ARFGEF3: variants seen among roughly 807,000 people sequenced by gnomAD.
ARFGEF3 encodes the protein ARFGEF family member 3.
A neutral mutation model predicts 221.7 loss-of-function variants in ARFGEF3; 96 were observed. That is an observed-to-expected ratio of 0.43 (90% confidence interval 0.37 to 0.51). ARFGEF3 has a LOEUF of 0.51. Ranked by LOEUF, ARFGEF3 falls within the 20% of genes least tolerant of loss-of-function variation. ARFGEF3 has a pLI of 0.00. For missense variants in ARFGEF3, 2,410 were observed against 2,789.9 expected (o/e 0.86, Z 3.07); for synonymous variants, 1,145 against 1,126.8 (o/e 1.02, Z -0.32).
At chr6:138,230,753 A>G (rs1778176928) in intron 5 of ARFGEF3, among the ~76,000 whole-genome samples, 1 of 152,230 alleles carries the variant, frequency 6.6e-6, no homozygotes, top group Non-Finnish European at 1.5e-5. Context: ...CTGACCTCTC[A>G]TTACAATACA....
chr6:138,168,062 T>G (rs903509292), intron 1 of ARFGEF3, among the ~76,000 whole-genome samples: 1 of 152,198 alleles, frequency 6.6e-6, no homozygotes, highest in Non-Finnish European at 1.5e-5. Flanking sequence ...TCTTACTTCA[T>G]TAATTCAGCA....
intron 5 of ARFGEF3, among the ~76,000 whole-genome samples, chr6:138,231,283 C>T (rs1230685353): frequency 1.3e-5 from 2 of 152,102 alleles, no homozygotes; most frequent in Non-Finnish European, 2.9e-5. Context: ...AACATTGAAA[C>T]ACTGTGGCCT....
rs757770844 is a variant in ARFGEF3 at position 138,308,803 on chromosome 6, C to T, written c.4038C>T (p.Val1346=). The T allele has an allele frequency of 6.2e-7, 1 of 1,613,976 alleles. No individual in the cohort carries two copies. Among genetic ancestry groups the T allele is most frequent in the Non-Finnish European group, 8.5e-7 (1 of 1,179,842 alleles). The change falls in exon 24 of 34, where the codon GTC becomes GTT. Residue 1346 remains valine, a synonymous_variant. Coordinates refer to ENST00000251691, the MANE Select transcript of ARFGEF3 (RefSeq NM_020340.5). ...TTCTCAATACTGACAACATCCAGGT[C>T]TTTGCTAATGCAGCCACTAGCTACA... ...EAFLNTDNIQ[V]FANAATSYIM... is the part of the protein sequence containing the mutation.
In ARFGEF3 at chr6:138,189,675, G is replaced by A. The variant is rs555562304; in HGVS notation, c.138-17367G>A. Among the ~76,000 whole-genome samples the A allele has an allele frequency of 3.0e-4, 45 of 152,272 alleles. No homozygotes were observed. In the South Asian group the frequency reaches 7.5e-3, roughly 25 times the overall value. Reference sequence around the variant, plus strand: ...TCAAATTGATGCGCCATGGCAGGAAGGAAAGTCGTTTTACTGTCTCCTTTA... The same window carrying A: ...TCAAATTGATGCGCCATGGCAGGAAAGAAAGTCGTTTTACTGTCTCCTTTA... On this transcript the variant is annotated intron_variant, in intron 2 of 33. Coordinates refer to ENST00000251691, the MANE Select transcript of ARFGEF3 (RefSeq NM_020340.5).
chr6:138,223,037 T>C (rs1778009456), intron 4 of ARFGEF3, among the ~76,000 whole-genome samples: 1 of 152,190 alleles, frequency 6.6e-6, no homozygotes, highest in African/African-American at 2.4e-5. Context: ...TTCAGAAGAC[T>C]AAGTCTGCTT....
intron 4 of ARFGEF3, among the ~76,000 whole-genome samples, chr6:138,226,149 A>G (rs1029247253): frequency 6.6e-6 from 1 of 152,272 alleles, no homozygotes; most frequent in South Asian, 2.1e-4. Context: ...TGACCAGGAC[A>G]TGTCCTTGGG....
intron 14 of ARFGEF3, among the ~76,000 whole-genome samples, chr6:138,284,459 A>G (rs1027933818): frequency 3.9e-5 from 6 of 152,160 alleles, no homozygotes; most frequent in African/African-American, 1.4e-4. Flanking sequence ...ATACTGAGGA[A>G]CTTGGGGCCT....
chr6:138,284,990 A>G (rs1197960013), intron 14 of ARFGEF3, among the ~76,000 whole-genome samples: 1 of 152,210 alleles, frequency 6.6e-6, no homozygotes, highest in Non-Finnish European at 1.5e-5. Context: ...AAAGTATGCT[A>G]TTATAATCTT....
At chr6:138,190,827 G>A (rs1454872577) in intron 2 of ARFGEF3, among the ~76,000 whole-genome samples, 1 of 152,112 alleles carries the variant, frequency 6.6e-6, no homozygotes, top group Non-Finnish European at 1.5e-5. Context: ...TAATCTGCAG[G>A]GATGCTGGTG....
At chr6:138,178,255 C>G (rs1776994806) in intron 2 of ARFGEF3, among the ~76,000 whole-genome samples, 1 of 152,126 alleles carries the variant, frequency 6.6e-6, no homozygotes. Flanking sequence ...GTCATGGCTC[C>G]TCTTCCTTCC....
intron 4 of ARFGEF3, among the ~76,000 whole-genome samples, chr6:138,221,170 A>G (rs941059391): frequency 1.4e-4 from 21 of 152,254 alleles, no homozygotes; most frequent in African/African-American, 4.8e-4. Flanking sequence ...CAGGTTATCT[A>G]CATGGTGGCA....
At chr6:138,309,982 G>A (rs1400496073) in intron 24 of ARFGEF3, among the ~76,000 whole-genome samples, 2 of 152,134 alleles carry the variant, frequency 1.3e-5, no homozygotes. Flanking sequence ...AGTGATCTGG[G>A]TCTCCCCTAA....
chr6:138,242,020 T>A (rs552664876), intron 6 of ARFGEF3, among the ~76,000 whole-genome samples: 2 of 152,374 alleles, frequency 1.3e-5, no homozygotes, highest in South Asian at 4.1e-4. Context: ...TGTTCTCAAC[T>A]TGACTTTAGC....
Position 138,226,018 on chromosome 6 carries a change from C to T in ARFGEF3, c.352-3766C>T, listed in dbSNP as rs185803710. On this transcript the variant is annotated intron_variant, in intron 4 of 33. Coordinates refer to ENST00000251691, the MANE Select transcript of ARFGEF3 (RefSeq NM_020340.5). ...AGAGGACATAGACAAAGTCACACAC[C>T]AATTAAACACCAAATCACATGCATG... Among the ~76,000 whole-genome samples the T allele has an allele frequency of 2.0e-4, 31 of 152,236 alleles. No homozygotes were observed. The East Asian group carries it at 5.8e-3, about 28-fold the overall frequency.
At chr6:138,211,478 TCTC>T (rs935875358) in intron 4 of ARFGEF3, among the ~76,000 whole-genome samples, 11 of 152,124 alleles carry the variant, frequency 7.2e-5, no homozygotes, top group Admixed American at 2.0e-4. Flanking sequence ...TTGTTTGACT[TCTC>T]CACTGTATCT....
intron 4 of ARFGEF3, among the ~76,000 whole-genome samples, chr6:138,214,617 A>G (rs191282929): frequency 1.4e-4 from 22 of 152,356 alleles, no homozygotes; most frequent in Admixed American, 1.4e-3. Context: ...AGATTGAACC[A>G]TGTCACACTC....
intron 10 of ARFGEF3, among the ~76,000 whole-genome samples, chr6:138,257,078 A>G (rs992122970): frequency 6.6e-6 from 1 of 152,104 alleles, no homozygotes. Flanking sequence ...CCAACCATCA[A>G]CTTTATTTTT....
At chr6:138,172,636 T>C (rs1415558803) in intron 2 of ARFGEF3, among the ~76,000 whole-genome samples, 1 of 152,220 alleles carries the variant, frequency 6.6e-6, no homozygotes, top group Non-Finnish European at 1.5e-5. Flanking sequence ...TTTTTGATGA[T>C]GTCTCCTTCA....
intron 2 of ARFGEF3, among the ~76,000 whole-genome samples, chr6:138,192,583 G>C (rs1777326754): frequency 6.6e-6 from 1 of 152,192 alleles, no homozygotes; most frequent in African/African-American, 2.4e-5. Flanking sequence ...GCATCCCTAG[G>C]CCTAAGGGCT....
Sources: allele counts gnomAD v4.1 joint callset (sites outside exome capture counted in the v4.1 genomes callset), GRCh38; gene constraint gnomAD v4.1.1; transcripts MANE v1.5; gene names NCBI Gene and HGNC (gene_info 2026-07-23, HGNC 2026-07-21).